PHF3: variants seen among roughly 807,000 people sequenced by gnomAD.
The protein encoded by PHF3 is PHD finger protein 3.
PHF3 carries 41 observed loss-of-function variants against 178.4 expected under a neutral mutation model. The observed-to-expected ratio is 0.23, with a 90% confidence interval of 0.18 to 0.30. The LOEUF is 0.30. Ranked by LOEUF, PHF3 falls within the 10% of genes least tolerant of loss-of-function variation. The probability of loss-of-function intolerance (pLI) is 1.00; values close to 1 mark genes in which losing one functional copy is unlikely to be tolerated. For synonymous variants in PHF3, 842 were observed against 800.5 expected, an observed-to-expected ratio of 1.05 and a Z score of -0.88; for missense variants, 2,346 against 2,398.1, an observed-to-expected ratio of 0.98 and a Z score of 0.45.
At chr6:63,636,264 C>T (rs951405210) in intron 1 of PHF3, 114 bp downstream of exon 1, 1 of 271,670 alleles carries the variant, frequency 3.7e-6, no homozygotes, top group Admixed American at 5.3e-5. Flanking sequence ...GGCGGACTCT[C>T]CGCGCTTTTC....
At chr6:63,699,503 A>T (rs1767380290) in intron 8 of PHF3, among the ~76,000 whole-genome samples, 1 of 152,240 alleles carries the variant, frequency 6.6e-6, no homozygotes, top group African/African-American at 2.4e-5. Context: ...ACATTCTGCC[A>T]TCATGGTCCC....
In PHF3 at chr6:63,716,174, T is replaced by C. The variant is rs1561991103; in HGVS notation, c.*2466T>C. On this transcript the variant is annotated 3_prime_UTR_variant, in exon 16 of 16. Transcript: ENST00000262043. ...CAACTCAAAGGTGAAGGCTTAGAGC[T>C]GAGGAAACTGGAACTTAGAGAAGTT... Among the ~76,000 whole-genome samples the C allele has an allele frequency of 6.6e-6, 1 of 152,138 alleles. No homozygotes were observed.
In PHF3 at chr6:63,684,601, A is replaced by G. The variant is rs1478878259; in HGVS notation, c.879A>G (p.Glu293=). 3 of 1,613,858 alleles carry G rather than the reference A, an allele frequency of 1.9e-6. No individual in the cohort carries two copies. The East Asian group carries it at 6.7e-5, about 36-fold the overall frequency. Residue 293 remains glutamate (E), a synonymous_variant, in exon 4 of 16, where the codon GAA becomes GAG. Coordinates refer to ENST00000262043, the MANE Select transcript of PHF3 (RefSeq NM_001370348.2). ...SPLFKFSDKE[E]HEQNDSISGK... is the part of the protein sequence containing the mutation. ...TGTTTAAGTTTTCAGATAAAGAAGAACATGAACAAAATGATTCCATTTCAG... is the reference window on the plus strand; with the variant it reads ...TGTTTAAGTTTTCAGATAAAGAAGAGCATGAACAAAATGATTCCATTTCAG...
intron 2 of PHF3, among the ~76,000 whole-genome samples, chr6:63,663,805 A>G (rs2149559183): frequency 6.6e-6 from 1 of 152,260 alleles, no homozygotes; most frequent in African/African-American, 2.4e-5. Flanking sequence ...ACCTTGCGCT[A>G]TTATGTGTGA....
intron 2 of PHF3, among the ~76,000 whole-genome samples, chr6:63,667,251 G>A (rs182310752): frequency 1.3e-5 from 2 of 152,158 alleles, no homozygotes; most frequent in East Asian, 3.9e-4. Flanking sequence ...ATATGTTTTG[G>A]AACAAAGTAG....
chr6:63,719,408 A>AT lies in PHF3; in HGVS notation c.*5707dup, dbSNP rs565949616. 1.5e-4 allele frequency among the ~76,000 whole-genome samples: 23 copies of AT among 151,088 alleles called. No individual in the cohort carries two copies. The highest frequency in any genetic ancestry group is 5.9e-4 in the Admixed American group (9 of 15,216). ...ACATTACATGCTGCTTATTACTAAG[A>AT]TTTTTTTCTCCAGATGACCTATTCT... On this transcript the variant is annotated 3_prime_UTR_variant, in exon 16 of 16. Coordinates refer to ENST00000262043, the MANE Select transcript of PHF3 (RefSeq NM_001370348.2).
At chr6:63,642,441 A>G (rs1292331779) in intron 1 of PHF3, among the ~76,000 whole-genome samples, 1 of 152,258 alleles carries the variant, frequency 6.6e-6, no homozygotes, top group Non-Finnish European at 1.5e-5. Flanking sequence ...TCATTTCACT[A>G]GACTTAAAAT....
Position 63,720,662 on chromosome 6 carries a change from G to GT in PHF3, c.*6960dup. Reference sequence around the variant, plus strand: ...ATCCTTCTAATTTAATTAGTTCAATGTTTTTTGGTTCCTGAAAAAATACAA... The same window carrying GT: ...ATCCTTCTAATTTAATTAGTTCAATGTTTTTTTGGTTCCTGAAAAAATACAA... On this transcript the variant is annotated 3_prime_UTR_variant, in exon 16 of 16. Coordinates refer to ENST00000262043, the MANE Select transcript of PHF3 (RefSeq NM_001370348.2). 1.9e-6 allele frequency: 3 copies of GT among 1,540,564 alleles called. No homozygotes were observed. Among genetic ancestry groups the GT allele is most frequent in the Non-Finnish European group, 1.8e-6 (2 of 1,142,170 alleles).
In PHF3 at chr6:63,703,732, A is replaced by G. The variant is rs545045783; in HGVS notation, c.3367+61A>G. On this transcript the variant is annotated intron_variant, in intron 11 of 15. Transcript: ENST00000262043. ...CATTATGAAAGAAGGATACTTAGATACTAGTATATGTAATTTAAGTAGGTT... is the reference window on the plus strand; with the variant it reads ...CATTATGAAAGAAGGATACTTAGATGCTAGTATATGTAATTTAAGTAGGTT... 3.4e-6 allele frequency: 5 copies of G among 1,472,836 alleles called. No individual in the cohort carries two copies. The African/African-American group carries it at 4.3e-5, about 13-fold the overall frequency. 91.2% of individuals were successfully genotyped at this position (1,472,836 alleles called of 1,614,324 possible).
intron 4 of PHF3, among the ~76,000 whole-genome samples, chr6:63,688,101 G>A (rs1352595541): frequency 6.7e-5 from 10 of 149,406 alleles, no homozygotes; most frequent in South Asian, 2.1e-4. Flanking sequence ...GGGGAATGGC[G>A]CGTGAACCCG....
chr6:63,655,116 T>A (rs1312520203), intron 2 of PHF3, among the ~76,000 whole-genome samples: 1 of 152,056 alleles, frequency 6.6e-6, no homozygotes. Context: ...CAGGCTGTAG[T>A]GCAATGACAC....
chr6:63,685,284 C>T lies in PHF3; in HGVS notation c.1562C>T (p.Thr521Ile). 6.2e-7 allele frequency: 1 copy of T among 1,613,864 alleles called. No homozygotes were observed. Among genetic ancestry groups the T allele is most frequent in the Middle Eastern group, 1.6e-4 (1 of 6,062 alleles). ...AAKYEVIHSK[T>I]KVNVKSVKRN... ...AAGTATGAAGTAATACATAGCAAAA[C>T]TAAAGTTAATGTCAAAAGTGTGAAA... The change falls in exon 4 of 16, where the codon ACT becomes ATT. Residue 521 changes from threonine to isoleucine, a missense_variant. Thr to Ile is a moderately conservative substitution (Grantham distance 89). Coordinates refer to ENST00000262043, the MANE Select transcript of PHF3 (RefSeq NM_001370348.2).
At chr6:63,688,566 T>C (rs2149588621) in intron 4 of PHF3, among the ~76,000 whole-genome samples, 1 of 151,362 alleles carries the variant, frequency 6.6e-6, no homozygotes, top group African/African-American at 2.4e-5. Flanking sequence ...AACTCCTGAA[T>C]TCAGGTGATC....
chr6:63,702,981 G>A (rs957153440), intron 10 of PHF3, among the ~76,000 whole-genome samples: 2 of 152,184 alleles, frequency 1.3e-5, no homozygotes, highest in African/African-American at 4.8e-5. Context: ...AGGTTCAAGC[G>A]ATGCTGCCAC....
intron 9 of PHF3, 75 bp from the exon 10 acceptor site, chr6:63,702,433 C>A: frequency 1.0e-6 from 1 of 976,958 alleles, no homozygotes; most frequent in Non-Finnish European, 1.5e-6. Context: ...TTTAGGTAAG[C>A]TCTTATTATT....
At position 63,723,804 on chromosome 6, in the gene PHF3, A is replaced by G. The variant is rs945942207; in HGVS notation, c.*10096A>G. ...ACACATTGGCATTATTATTATTATT[A>G]TTATTATTATTATTATTATTATTAT... is the stretch of plus-strand genomic sequence containing the variant. On this transcript the variant is annotated 3_prime_UTR_variant, in exon 16 of 16. Coordinates refer to ENST00000262043, the MANE Select transcript of PHF3 (RefSeq NM_001370348.2). 1.2e-4 allele frequency among the ~76,000 whole-genome samples: 17 copies of G among 138,080 alleles called. No individual in the cohort carries two copies. Among genetic ancestry groups the G allele is most frequent in the African/African-American group, 1.9e-4 (7 of 36,864 alleles). 90.6% of individuals were successfully genotyped at this position (138,080 alleles called of 152,430 possible).
At chr6:63,701,677 A>G (rs1029239450) in intron 9 of PHF3, among the ~76,000 whole-genome samples, 2 of 152,160 alleles carry the variant, frequency 1.3e-5, no homozygotes, top group African/African-American at 4.8e-5. Flanking sequence ...TTGATTTGAC[A>G]TATCATACTT....
At chr6:63,666,453 T>A (rs1433817389) in intron 2 of PHF3, among the ~76,000 whole-genome samples, 1 of 152,012 alleles carries the variant, frequency 6.6e-6, no homozygotes, top group Non-Finnish European at 1.5e-5. Flanking sequence ...GTCAGCATTT[T>A]TTTTTTCTTT....
intron 3 of PHF3, 103 bp from the exon 4 acceptor site, chr6:63,684,026 T>A (rs1766554692): frequency 1.1e-6 from 1 of 897,018 alleles, no homozygotes; most frequent in East Asian, 2.6e-5. Flanking sequence ...GTTGAGCAAA[T>A]TATAGCTCAG....
Sources: allele counts gnomAD v4.1 joint callset (sites outside exome capture counted in the v4.1 genomes callset), GRCh38; gene constraint gnomAD v4.1.1; transcripts MANE v1.5; gene names NCBI Gene and HGNC (gene_info 2026-07-23, HGNC 2026-07-21).